Variants in SEMA3A observed in about 807,000 individuals in gnomAD.
SEMA3A encodes semaphorin 3A.
SEMA3A carries 29 observed loss-of-function variants against 97.9 expected under a neutral mutation model. The ratio of observed to expected loss-of-function variants is 0.30; its 90% confidence interval spans 0.22 to 0.40. SEMA3A has a LOEUF of 0.40. Ranked by LOEUF, SEMA3A falls within the 10% of genes least tolerant of loss-of-function variation. The pLI is 1.00. For missense variants in SEMA3A, 763 were observed against 951.3 expected (o/e 0.80, Z 2.60); for synonymous variants, 321 against 323.7 (o/e 0.99, Z 0.09).
intron 1 of SEMA3A, among the ~76,000 whole-genome samples, chr7:84,486,780 T>C (rs978931955): frequency 1.3e-5 from 2 of 152,182 alleles, no homozygotes; most frequent in African/African-American, 4.8e-5. Flanking sequence ...CATCGCATAG[T>C]TAATAGCATT....
Position 84,061,300 on chromosome 7 carries a change from T to C in SEMA3A, c.454-742A>G, listed in dbSNP as rs188624411. The stretch of plus-strand genomic sequence containing the variant: ...TGAACTTTTGACTACCTATAAAAAA[T>C]ATACACATGTCTCAAGGTAGAATAT... On this transcript the variant is annotated intron_variant, in intron 4 of 16. Transcript: ENST00000265362. 1.1e-3 allele frequency among the ~76,000 whole-genome samples: 171 copies of C among 152,238 alleles called. 3 individuals are homozygous for C. Among genetic ancestry groups the C allele is most frequent in the Admixed American group, 0.011 (171 of 15,282 alleles).
intron 3 of SEMA3A, among the ~76,000 whole-genome samples, chr7:84,256,673 A>C (rs1298440449): frequency 6.6e-6 from 1 of 152,100 alleles, no homozygotes; most frequent in Non-Finnish European, 1.5e-5. Context: ...TTTCAAGTTC[A>C]AAGGGCTTGA....
At chr7:84,240,946 T>A (rs893729944) in intron 3 of SEMA3A, among the ~76,000 whole-genome samples, 1 of 152,200 alleles carries the variant, frequency 6.6e-6, no homozygotes, top group African/African-American at 2.4e-5. Context: ...CATCCTTTTT[T>A]ATGGCTGCAT....
chr7:84,330,360 C>T (rs1801882194), intron 2 of SEMA3A, among the ~76,000 whole-genome samples: 1 of 151,802 alleles, frequency 6.6e-6, no homozygotes, highest in African/African-American at 2.4e-5. Flanking sequence ...TTAAATGTAC[C>T]TCCTGAACAA....
rs567637708 is a variant in SEMA3A, at chr7:84,200,474, T to C, written c.-82-5806A>G. 2.0e-5 allele frequency among the ~76,000 whole-genome samples: 3 copies of C among 152,176 alleles called. No homozygotes were observed. The South Asian group carries it at 6.2e-4, about 32-fold the overall frequency. On this transcript the variant is annotated intron_variant, in intron 3 of 3. Transcript: ENST00000424555. ...TAGGTTGGTAAGTTTGAGTGGAGGA[T>C]GAAAGAGAGTGACAAGAGAAGGGAT...
At chr7:84,409,576 C>A (rs1314149808) in intron 1 of SEMA3A, among the ~76,000 whole-genome samples, 1 of 151,988 alleles carries the variant, frequency 6.6e-6, no homozygotes, top group East Asian at 1.9e-4. Context: ...TGATTCATAG[C>A]TGAAGTTTAC....
At chr7:84,475,206 G>T (rs985052148) in intron 1 of SEMA3A, among the ~76,000 whole-genome samples, 1 of 151,966 alleles carries the variant, frequency 6.6e-6, no homozygotes, top group Non-Finnish European at 1.5e-5. Context: ...TATTCAACCT[G>T]AAATTTCCTA....
chr7:84,405,506 G>C (rs1804054281), intron 1 of SEMA3A, among the ~76,000 whole-genome samples: 1 of 152,048 alleles, frequency 6.6e-6, no homozygotes, highest in Non-Finnish European at 1.5e-5. Context: ...AGTTAACAAG[G>C]ATATCCAGGA....
chr7:84,420,082 G>A (rs1804545915), intron 1 of SEMA3A, among the ~76,000 whole-genome samples: 1 of 151,888 alleles, frequency 6.6e-6, no homozygotes, highest in East Asian at 1.9e-4. Context: ...TTCTGGGGAA[G>A]AAGGAGAATC....
intron 1 of SEMA3A, among the ~76,000 whole-genome samples, chr7:84,408,378 A>C: frequency 6.6e-6 from 1 of 151,980 alleles, no homozygotes; most frequent in Non-Finnish European, 1.5e-5. Flanking sequence ...GCAATCATTA[A>C]AAAGTCAGGA....
chr7:84,083,104 AT>A (rs947765627), intron 4 of SEMA3A, among the ~76,000 whole-genome samples: 1 of 151,454 alleles, frequency 6.6e-6, no homozygotes. Flanking sequence ...AAATTAATTA[AT>A]TTTTTTTGGT....
intron 6 of SEMA3A, among the ~76,000 whole-genome samples, chr7:84,022,966 C>T (rs1791384757): frequency 6.6e-6 from 1 of 152,296 alleles, no homozygotes; most frequent in South Asian, 2.1e-4. Flanking sequence ...CAGCAATAAA[C>T]GCTGAGTAAA....
chr7:84,444,686 C>T (rs1361501030), intron 1 of SEMA3A, among the ~76,000 whole-genome samples: 2 of 151,548 alleles, frequency 1.3e-5, no homozygotes, highest in South Asian at 2.1e-4. Flanking sequence ...CTCAGCCTCC[C>T]GAGTAGCTGG....
chr7:84,367,755 G>A (rs1431202460), intron 2 of SEMA3A, among the ~76,000 whole-genome samples: 1 of 151,014 alleles, frequency 6.6e-6, no homozygotes, highest in African/African-American at 2.4e-5. Flanking sequence ...GGTAGAGGCA[G>A]ATCCGGTTGA....
chr7:84,346,798 G>A (rs897375597), intron 2 of SEMA3A, among the ~76,000 whole-genome samples: 1 of 152,150 alleles, frequency 6.6e-6, no homozygotes, highest in Non-Finnish European at 1.5e-5. Flanking sequence ...GAGACATGAA[G>A]TGAGAACATG....
intron 3 of SEMA3A, among the ~76,000 whole-genome samples, chr7:84,209,720 TG>T (rs1330590418): frequency 3.9e-5 from 6 of 152,224 alleles, no homozygotes; most frequent in East Asian, 1.9e-4. Flanking sequence ...ATGTAATGGC[TG>T]TTATATAATA....
intron 3 of SEMA3A, among the ~76,000 whole-genome samples, chr7:84,265,255 C>G (rs1256707701): frequency 6.6e-6 from 1 of 151,674 alleles, no homozygotes; most frequent in African/African-American, 2.4e-5. Context: ...TCTTTTTATC[C>G]CCATGAATAT....
intron 1 of SEMA3A, among the ~76,000 whole-genome samples, chr7:84,141,593 A>G (rs1323551078): frequency 2.0e-5 from 3 of 152,118 alleles, no homozygotes; most frequent in African/African-American, 7.2e-5. Flanking sequence ...TTGGTTGTAC[A>G]GATTATTTCA....
intron 6 of SEMA3A, among the ~76,000 whole-genome samples, chr7:84,019,802 A>G (rs1174789050): frequency 6.6e-6 from 1 of 152,098 alleles, no homozygotes; most frequent in Non-Finnish European, 1.5e-5. Flanking sequence ...ACATGTTTTT[A>G]ATATTTCCAT....
Sources: allele counts gnomAD v4.1 joint callset (sites outside exome capture counted in the v4.1 genomes callset), GRCh38; gene constraint gnomAD v4.1.1; transcripts MANE v1.5; gene names NCBI Gene and HGNC (gene_info 2026-07-23, HGNC 2026-07-21).